The following GRM7 variants were observed in gnomAD, a reference collection of about 807,000 sequenced individuals.
GRM7 encodes the protein metabotropic glutamate receptor 7.
In GRM7, 35 loss-of-function variants were observed where a neutral mutation model predicts 84.5. The observed-to-expected ratio is 0.41, with a 90% CI of 0.32 to 0.55. The LOEUF is 0.55. Among genes scored for constraint, GRM7 ranks in the 20% least tolerant of loss-of-function variants. The pLI is 0.19. For synonymous variants in GRM7, 487 were observed against 455.1 expected, an observed-to-expected ratio of 1.07 and a Z score of -0.89; for missense variants, 1,003 against 1,194.6, an observed-to-expected ratio of 0.84 and a Z score of 2.36.
intron 5 of GRM7, among the ~76,000 whole-genome samples, chr3:7,416,271 C>A (rs761876064): frequency 1.3e-5 from 2 of 152,104 alleles, no homozygotes; most frequent in African/African-American, 4.8e-5. Flanking sequence ...GGGTGTTACA[C>A]AAGCGGATGA....
At chr3:7,430,025 T>A (rs1696764667) in intron 5 of GRM7, among the ~76,000 whole-genome samples, 1 of 152,174 alleles carries the variant, frequency 6.6e-6, no homozygotes, top group Admixed American at 6.5e-5. Context: ...TGGTGGTGCA[T>A]GCCTGTAGTT....
intron 5 of GRM7, among the ~76,000 whole-genome samples, chr3:7,441,841 C>T (rs1014249262): frequency 6.6e-6 from 1 of 152,008 alleles, no homozygotes; most frequent in Non-Finnish European, 1.5e-5. Context: ...GTCTATGTGT[C>T]TGTTTTTGTG....
At chr3:7,284,285 C>CGTGTGTGTGT (rs138776968) in intron 2 of GRM7, among the ~76,000 whole-genome samples, 135 of 131,130 alleles carry the variant, frequency 1.0e-3, no homozygotes, top group African/African-American at 1.8e-3. Flanking sequence ...CATGCTCACT[C>CGTGTGTGTGT]GTGTGTGTGT....
chr3:7,244,949 G>A (rs1245232160), intron 2 of GRM7, among the ~76,000 whole-genome samples: 3 of 151,700 alleles, frequency 2.0e-5, no homozygotes, highest in Non-Finnish European at 4.4e-5. Context: ...ATGAATTAAG[G>A]GACACAAATT....
chr3:6,993,473 C>T (rs963062699), intron 1 of GRM7, among the ~76,000 whole-genome samples: 2 of 152,156 alleles, frequency 1.3e-5, no homozygotes, highest in Non-Finnish European at 2.9e-5. Context: ...TTCAGATTAG[C>T]TCAAATACAT....
intron 1 of GRM7, among the ~76,000 whole-genome samples, chr3:7,031,157 C>G (rs1221851841): frequency 6.6e-6 from 1 of 152,026 alleles, no homozygotes; most frequent in Non-Finnish European, 1.5e-5. Flanking sequence ...AATTATAACT[C>G]AGGATAAAAT....
At chr3:7,069,986 C>G (rs1375869553) in intron 1 of GRM7, among the ~76,000 whole-genome samples, 1 of 151,946 alleles carries the variant, frequency 6.6e-6, no homozygotes, top group East Asian at 1.9e-4. Context: ...ATAGTATTTT[C>G]CTTTGAGAAA....
At chr3:6,971,120 C>T (rs1000245997) in intron 1 of GRM7, among the ~76,000 whole-genome samples, 1 of 151,308 alleles carries the variant, frequency 6.6e-6, no homozygotes, top group Admixed American at 6.6e-5. Flanking sequence ...ACAGTATTTA[C>T]CGAGGGAGAG....
chr3:7,144,750 C>T (rs1694054562), intron 1 of GRM7, among the ~76,000 whole-genome samples: 1 of 152,174 alleles, frequency 6.6e-6, no homozygotes, highest in East Asian at 1.9e-4. Context: ...AAATGCCAGA[C>T]TCTGATCCTA....
chr3:6,899,186 G>A (rs1482784174), intron 1 of GRM7, among the ~76,000 whole-genome samples: 50 of 152,112 alleles, frequency 3.3e-4, no homozygotes, highest in Non-Finnish European at 7.4e-5. Flanking sequence ...TTATATCCCT[G>A]ATACTGTGCT....
At chr3:7,311,324 C>T (rs1465014561) in intron 4 of GRM7, among the ~76,000 whole-genome samples, 4 of 152,092 alleles carry the variant, frequency 2.6e-5, no homozygotes, top group African/African-American at 4.8e-5. Context: ...AAAAGACAAA[C>T]TTCCCTCTTC....
At chr3:6,943,296 A>G (rs568809303) in intron 1 of GRM7, among the ~76,000 whole-genome samples, 7 of 151,880 alleles carry the variant, frequency 4.6e-5, no homozygotes, top group Admixed American at 6.6e-5. Context: ...TCTTTGCCCA[A>G]TATTTTCTTC....
At chr3:7,661,479 C>T (rs753435306) in intron 8 of GRM7, among the ~76,000 whole-genome samples, 1 of 152,056 alleles carries the variant, frequency 6.6e-6, no homozygotes, top group Non-Finnish European at 1.5e-5. Context: ...GGAACTGAAA[C>T]TCTCATACAC....
intron 1 of GRM7, among the ~76,000 whole-genome samples, chr3:7,006,351 C>G (rs1318786293): frequency 1.3e-5 from 2 of 152,158 alleles, no homozygotes; most frequent in Non-Finnish European, 2.9e-5. Flanking sequence ...GAAAAACTGT[C>G]TTTATGTGAA....
intron 9 of GRM7, 67 bp downstream of exon 9, chr3:7,680,362 T>A: frequency 1.3e-6 from 2 of 1,521,394 alleles, no homozygotes; most frequent in Non-Finnish European, 1.8e-6. Flanking sequence ...ATGTGGGGTG[T>A]GCTTGCCTCT....
At chr3:7,316,068 T>C (rs1700571720) in intron 4 of GRM7, among the ~76,000 whole-genome samples, 1 of 152,134 alleles carries the variant, frequency 6.6e-6, no homozygotes. Context: ...TCCAAGTATC[T>C]ATCAGGGAAA....
chr3:7,152,800 T>C (rs1694325189), intron 2 of GRM7, among the ~76,000 whole-genome samples: 1 of 152,220 alleles, frequency 6.6e-6, no homozygotes, highest in Non-Finnish European at 1.5e-5. Context: ...TCACTAATTG[T>C]GTAAGTTCTG....
At chr3:7,400,225 G>T (rs1309765714) in intron 4 of GRM7, among the ~76,000 whole-genome samples, 2 of 152,108 alleles carry the variant, frequency 1.3e-5, no homozygotes, top group African/African-American at 4.8e-5. Flanking sequence ...GCATGGACAT[G>T]GTAGTTTTAC....
At chr3:7,159,258 G>T (rs571195549) in intron 2 of GRM7, among the ~76,000 whole-genome samples, 1 of 152,096 alleles carries the variant, frequency 6.6e-6, no homozygotes, top group African/African-American at 2.4e-5. Flanking sequence ...ATCTGTTAAC[G>T]TGAAATACAA....
Sources: allele counts gnomAD v4.1 joint callset (sites outside exome capture counted in the v4.1 genomes callset), GRCh38; gene constraint gnomAD v4.1.1; transcripts MANE v1.5; gene names NCBI Gene and HGNC (gene_info 2026-07-23, HGNC 2026-07-21).